Variants in PRELID2 observed in about 807,000 individuals in gnomAD.
PRELID2 encodes the protein PRELI domain-containing protein 2.
A neutral mutation model predicts 28.4 loss-of-function variants in PRELID2; 25 were observed. That is an observed-to-expected ratio of 0.88 (90% confidence interval 0.64 to 1.23). The LOEUF is 1.23. Among genes scored for constraint, PRELID2 ranks in the 50% most tolerant of loss-of-function variants. The pLI is 0.00. For missense variants in PRELID2, 201 were observed against 214.4 expected (o/e 0.94, Z 0.39); for synonymous variants, 76 against 71.6 (o/e 1.06, Z -0.31).
At chr5:145,483,723 G>A (rs1752187298) in intron 1 of PRELID2, among the ~76,000 whole-genome samples, 2 of 152,174 alleles carry the variant, frequency 1.3e-5, no homozygotes, top group South Asian at 2.1e-4. Flanking sequence ...AAGTGATAGA[G>A]CCAGGAACTA....
At chr5:145,646,374 C>G (rs1421698237) in intron 1 of PRELID2, among the ~76,000 whole-genome samples, 5 of 152,128 alleles carry the variant, frequency 3.3e-5, no homozygotes, top group African/African-American at 1.2e-4. Context: ...CTGTGTTTTT[C>G]AACTCCATCA....
At position 145,684,917 on chromosome 5, in the gene PRELID2, G is replaced by T. The variant is rs1309962764; in HGVS notation, n.70+80014C>A. Among the ~76,000 whole-genome samples, 5 of 152,158 alleles carry T rather than the reference G, an allele frequency of 3.3e-5. No homozygotes were observed. In the East Asian group the frequency reaches 7.7e-4, roughly 23 times the overall value. On this transcript the variant is annotated intron_variant and non_coding_transcript_variant, in intron 1 of 2. Coordinates refer to the PRELID2 transcript ENST00000510259. Reference sequence around the variant, plus strand: ...GCTTTAGGAAAAACTGAAGATGGAAGGAGGCTTCAAAGTCCAGACCAAGGT... The same window carrying T: ...GCTTTAGGAAAAACTGAAGATGGAATGAGGCTTCAAAGTCCAGACCAAGGT...
At chr5:145,303,121 A>G in the PRELID2 span, among the ~76,000 whole-genome samples, 1 of 152,172 alleles carries the variant, frequency 6.6e-6, no homozygotes, top group South Asian at 2.1e-4. Flanking sequence ...TCAGAACCTG[A>G]CAACAATATT....
At chr5:145,738,691 G>T (rs1027760805) in intron 1 of PRELID2, among the ~76,000 whole-genome samples, 1 of 152,076 alleles carries the variant, frequency 6.6e-6, no homozygotes, top group African/African-American at 2.4e-5. Flanking sequence ...AGATATGTGG[G>T]ACTAAAATAA....
chr5:145,353,549 T>C, the PRELID2 span, among the ~76,000 whole-genome samples: 1 of 152,074 alleles, frequency 6.6e-6, no homozygotes, highest in Non-Finnish European at 1.5e-5. Context: ...CAGTTCTGCA[T>C]GGCTGAGGAG....
the PRELID2 span, among the ~76,000 whole-genome samples, chr5:145,243,495 A>G: frequency 6.6e-6 from 1 of 152,068 alleles, no homozygotes; most frequent in Admixed American, 6.6e-5. Flanking sequence ...ATGTATTACA[A>G]TTAGCACCTC....
At chr5:145,552,760 C>T (rs1752847224) in intron 1 of PRELID2, among the ~76,000 whole-genome samples, 1 of 152,170 alleles carries the variant, frequency 6.6e-6, no homozygotes, top group Non-Finnish European at 1.5e-5. Context: ...GTCTTATCAA[C>T]ACAATTGACT....
chr5:145,751,542 AT>A (rs1469816288), downstream of PRELID2, among the ~76,000 whole-genome samples: 2 of 152,232 alleles, frequency 1.3e-5, no homozygotes, highest in African/African-American at 4.8e-5. Context: ...CATTCCAAGC[AT>A]TTCCAGTGCC....
the PRELID2 span, among the ~76,000 whole-genome samples, chr5:145,416,464 A>G: frequency 1.3e-5 from 2 of 152,104 alleles, no homozygotes; most frequent in East Asian, 1.9e-4. Flanking sequence ...AGAAACTACC[A>G]TCAGAGTGAA....
chr5:145,613,036 C>A (rs1398916224), intron 1 of PRELID2, among the ~76,000 whole-genome samples: 2 of 152,100 alleles, frequency 1.3e-5, no homozygotes, highest in Admixed American at 6.6e-5. Context: ...ATTTTTAGTT[C>A]TTTTAAGGAA....
At chr5:145,658,376 A>T (rs1754431554) in intron 1 of PRELID2, among the ~76,000 whole-genome samples, 1 of 152,192 alleles carries the variant, frequency 6.6e-6, no homozygotes, top group African/African-American at 2.4e-5. Flanking sequence ...ATGCATTTCC[A>T]TTGAGATGCA....
intron 6 of PRELID2, among the ~76,000 whole-genome samples, chr5:145,762,403 G>A (rs556407673): frequency 6.6e-6 from 1 of 152,128 alleles, no homozygotes; most frequent in Admixed American, 6.6e-5. Flanking sequence ...CAGGTGTGGT[G>A]GTGCACGCCT....
intron 5 of PRELID2, among the ~76,000 whole-genome samples, chr5:145,777,616 G>A (rs940789946): frequency 6.6e-6 from 1 of 152,146 alleles, no homozygotes; most frequent in African/African-American, 2.4e-5. Context: ...GGCACGGCCA[G>A]GGCTGCACAC....
At chr5:145,795,686 T>C (rs757735493) in intron 5 of PRELID2, 3 of 152,076 alleles carry the variant, frequency 2.0e-5, no homozygotes, top group Non-Finnish European at 2.9e-5. Flanking sequence ...TTAATAACAA[T>C]AATAAAACAC....
At chr5:145,392,696 G>A in the PRELID2 span, among the ~76,000 whole-genome samples, 1 of 151,790 alleles carries the variant, frequency 6.6e-6, no homozygotes, top group Admixed American at 6.6e-5. Context: ...AGGGAGGAGA[G>A]AGAGAGAAAG....
chr5:145,392,713 A>G, the PRELID2 span, among the ~76,000 whole-genome samples: 1 of 152,024 alleles, frequency 6.6e-6, no homozygotes, highest in African/African-American at 2.4e-5. Flanking sequence ...AAAGAAAGAG[A>G]GAGGGAAAGA....
intron 1 of PRELID2, among the ~76,000 whole-genome samples, chr5:145,631,021 C>T (rs1033310290): frequency 6.6e-6 from 1 of 152,104 alleles, no homozygotes; most frequent in African/African-American, 2.4e-5. Context: ...TGGGGATAAA[C>T]CACTAATTCT....
At chr5:145,716,703 T>C (rs1273788917) in intron 1 of PRELID2, among the ~76,000 whole-genome samples, 1 of 152,148 alleles carries the variant, frequency 6.6e-6, no homozygotes, top group Non-Finnish European at 1.5e-5. Flanking sequence ...CTTACTATTA[T>C]ATTATAACCA....
the PRELID2 span, among the ~76,000 whole-genome samples, chr5:145,372,690 A>C: frequency 6.6e-3 from 990 of 150,724 alleles, 8 homozygotes; most frequent in African/African-American, 0.023. Context: ...TTTGCTTTTC[A>C]TTTGCTTGGT....
Sources: gnomAD v4.1 joint callset for allele counts (sites outside exome capture counted in the v4.1 genomes callset) on GRCh38, gnomAD v4.1.1 for gene constraint, MANE v1.5 for transcripts, NCBI Gene and HGNC (gene_info 2026-07-23, HGNC 2026-07-21) for gene names.